Variants in RBFOX1 observed in about 807,000 individuals in gnomAD.
RBFOX1 encodes RNA binding fox-1 homolog 1, also known as RNA binding protein fox-1 homolog 1.
Under a neutral mutation model 57.7 loss-of-function variants are expected in RBFOX1, and 8 were observed. The ratio of observed to expected loss-of-function variants is 0.14; its 90% confidence interval spans 0.08 to 0.25. RBFOX1 has a LOEUF of 0.25. RBFOX1 is among the 10% of genes least tolerant of loss of function. The probability of loss-of-function intolerance (pLI) is 1.00; values close to 1 mark genes in which losing one functional copy is unlikely to be tolerated. For synonymous variants in RBFOX1, 326 were observed against 222.4 expected (o/e 1.47, Z -4.15); for missense variants, 611 against 548.5 (o/e 1.11, Z -1.14).
At chr16:6,676,140 G>GCACACA (rs1403756143) in intron 3 of RBFOX1, among the ~76,000 whole-genome samples, 4 of 27,832 alleles carry the variant, frequency 1.4e-4, no homozygotes, top group African/African-American at 2.1e-4. Context: ...ACACACACAC[G>GCACACA]CGCACACACA....
intron 3 of RBFOX1, among the ~76,000 whole-genome samples, chr16:6,932,406 C>G (rs1466528057): frequency 6.6e-6 from 1 of 152,134 alleles, no homozygotes; most frequent in South Asian, 2.1e-4. Flanking sequence ...CATGCCCAGC[C>G]CAGATCATCT....
chr16:6,287,229 G>A (rs1978317), intron 1 of RBFOX1, among the ~76,000 whole-genome samples: 118,755 of 152,016 alleles, frequency 0.78, 46,678 homozygotes, highest in East Asian at 0.99. Flanking sequence ...TCAAGTTGAA[G>A]TGGGTTAGGG....
At chr16:6,199,944 C>T (rs2097204640) in intron 1 of RBFOX1, among the ~76,000 whole-genome samples, 2 of 152,206 alleles carry the variant, frequency 1.3e-5, no homozygotes, top group Non-Finnish European at 2.9e-5. Context: ...CCAGAAACTA[C>T]AGCTGGATGT....
chr16:6,344,913 A>C (rs1189507746), intron 2 of RBFOX1, among the ~76,000 whole-genome samples: 1 of 147,136 alleles, frequency 6.8e-6, no homozygotes, highest in East Asian at 2.0e-4. Context: ...CTGGTCTTGA[A>C]TTTCTGGCCT....
At chr16:6,900,846 C>T (rs993429854) in intron 3 of RBFOX1, among the ~76,000 whole-genome samples, 5 of 152,158 alleles carry the variant, frequency 3.3e-5, no homozygotes, top group Admixed American at 1.3e-4. Flanking sequence ...GAGTGTTTGT[C>T]TTTGTGTGAG....
At chr16:7,475,129 C>T (rs2062379262) in intron 4 of RBFOX1, among the ~76,000 whole-genome samples, 1 of 152,090 alleles carries the variant, frequency 6.6e-6, no homozygotes, top group Non-Finnish European at 1.5e-5. Flanking sequence ...CCGAGCTTTT[C>T]TGTAGAGGTT....
chr16:5,294,633 G>A (rs2878070), intron 1 of RBFOX1, among the ~76,000 whole-genome samples: 117,375 of 151,934 alleles, frequency 0.77, 47,496 homozygotes, highest in Non-Finnish European at 0.89. Flanking sequence ...AGTGACCTAG[G>A]AACTATTTCT....
intron 4 of RBFOX1, among the ~76,000 whole-genome samples, chr16:7,350,475 A>G (rs116199369): frequency 6.6e-6 from 1 of 152,150 alleles, no homozygotes; most frequent in African/African-American, 2.4e-5. Context: ...ATTTTGATCT[A>G]GGGGAAATGG....
chr16:5,929,169 A>G (rs905099644), intron 4 of RBFOX1, among the ~76,000 whole-genome samples: 7 of 152,116 alleles, frequency 4.6e-5, no homozygotes, highest in African/African-American at 1.7e-4. Context: ...GGAAGCGGAC[A>G]GGGAAGGGGC....
chr16:6,563,419 C>G (rs957344688), intron 2 of RBFOX1, among the ~76,000 whole-genome samples: 3 of 152,102 alleles, frequency 2.0e-5, no homozygotes, highest in Admixed American at 2.0e-4. Flanking sequence ...TGGGATCCCC[C>G]CTAGATTGGA....
rs78946847 is a variant in RBFOX1, at chr16:7,190,827, C to G, written c.27+138729C>G. ...CATTTTTGGTAACAGTTACGTTGAG[C>G]TTATCTGCATAGACGCACATGATGA... is the stretch of plus-strand genomic sequence containing the variant. On this transcript the variant is annotated intron_variant, in intron 4 of 15. Transcript: ENST00000550418. Among the ~76,000 whole-genome samples the G allele has an allele frequency of 1.2e-4, 19 of 152,262 alleles. No homozygotes were observed. In the East Asian group the frequency reaches 3.3e-3, roughly 26 times the overall value.
intron 5 of RBFOX1, among the ~76,000 whole-genome samples, chr16:7,546,985 T>C (rs2084734361): frequency 6.6e-6 from 1 of 151,940 alleles, no homozygotes; most frequent in South Asian, 2.1e-4. Flanking sequence ...TAAAACAAAA[T>C]CACCCTCTAG....
intron 3 of RBFOX1, among the ~76,000 whole-genome samples, chr16:6,834,875 A>G (rs2092970551): frequency 6.8e-6 from 1 of 147,244 alleles, no homozygotes; most frequent in Non-Finnish European, 1.5e-5. Context: ...ATTAACTTCA[A>G]AGGCCTGACT....
chr16:6,006,921 A>G (rs2094930849), intron 4 of RBFOX1, among the ~76,000 whole-genome samples: 1 of 151,846 alleles, frequency 6.6e-6, no homozygotes, highest in Admixed American at 6.6e-5. Flanking sequence ...CTCTCCCCAT[A>G]TTTTTTCTCC....
intron 1 of RBFOX1, among the ~76,000 whole-genome samples, chr16:6,157,167 A>G (rs2096844303): frequency 6.6e-6 from 1 of 151,996 alleles, no homozygotes; most frequent in Non-Finnish European, 1.5e-5. Flanking sequence ...TTATTTATAA[A>G]AATTTATTTT....
intron 2 of RBFOX1, among the ~76,000 whole-genome samples, chr16:6,482,030 A>G (rs1485270609): frequency 6.6e-6 from 1 of 152,220 alleles, no homozygotes; most frequent in Non-Finnish European, 1.5e-5. Flanking sequence ...GCCTCTAGAT[A>G]TGAAGTTGTA....
chr16:6,061,061 A>G (rs1567358146), intron 1 of RBFOX1, among the ~76,000 whole-genome samples: 1 of 152,108 alleles, frequency 6.6e-6, no homozygotes, highest in Non-Finnish European at 1.5e-5. Context: ...CGACCCATGC[A>G]TTCATTTACA....
At chr16:6,446,469 G>A (rs2094487957) in intron 2 of RBFOX1, among the ~76,000 whole-genome samples, 1 of 152,184 alleles carries the variant, frequency 6.6e-6, no homozygotes, top group African/African-American at 2.4e-5. Context: ...GGACATTCAA[G>A]TAACATAGAA....
Position 5,666,753 on chromosome 16 carries a change from C to T in RBFOX1, c.318+67792C>T, listed in dbSNP as rs2049857985. 3.3e-5 allele frequency among the ~76,000 whole-genome samples: 5 copies of T among 152,280 alleles called. No individual in the cohort carries two copies. In the South Asian group the frequency reaches 1.0e-3, roughly 32 times the overall value. On this transcript the variant is annotated intron_variant, in intron 3 of 19. Coordinates refer to the RBFOX1 transcript ENST00000641259. ...GGTAGGGAATGGATCTCTATTTCTCCTGCTTAAGGAGTCAGCATGAAGTTG... is the reference window on the plus strand; with the variant it reads ...GGTAGGGAATGGATCTCTATTTCTCTTGCTTAAGGAGTCAGCATGAAGTTG...
Sources: gnomAD v4.1 joint callset for allele counts (sites outside exome capture counted in the v4.1 genomes callset) on GRCh38, gnomAD v4.1.1 for gene constraint, MANE v1.5 for transcripts, NCBI Gene and HGNC (gene_info 2026-07-23, HGNC 2026-07-21) for gene names.